The following PCCA variants were observed in gnomAD, a reference collection of about 807,000 sequenced individuals.
PCCA encodes propionyl-CoA carboxylase alpha chain, mitochondrial.
In PCCA, 74 loss-of-function variants were observed where a neutral mutation model predicts 101.3. The ratio of observed to expected loss-of-function variants is 0.73; its 90% CI spans 0.61 to 0.89. The LOEUF is 0.89. PCCA is among the 40% of genes least tolerant of loss of function. The probability of loss-of-function intolerance (pLI) is 0.00; values close to 1 mark genes in which losing one functional copy is unlikely to be tolerated. For synonymous variants in PCCA, 294 were observed against 313.6 expected, an observed-to-expected ratio of 0.94 and a Z score of 0.66; for missense variants, 891 against 907.0, an observed-to-expected ratio of 0.98 and a Z score of 0.23.
At chr13:100,431,164 A>G (rs1029138704) in intron 20 of PCCA, among the ~76,000 whole-genome samples, 1 of 152,150 alleles carries the variant, frequency 6.6e-6, no homozygotes, top group African/African-American at 2.4e-5. Context: ...GCATCTCATT[A>G]TGGTTTTAAT....
In PCCA at chr13:100,434,881, G is replaced by A. The variant is rs542277223; in HGVS notation, c.1845+9150G>A. Among the ~76,000 whole-genome samples, 219 of 152,232 alleles carry A rather than the reference G, an allele frequency of 1.4e-3. 2 individuals carry two copies. The highest frequency in any genetic ancestry group is 4.9e-3 in the African/African-American group (205 of 41,530). On this transcript the variant is annotated intron_variant, in intron 20 of 23. Coordinates refer to ENST00000376285, the MANE Select transcript of PCCA (RefSeq NM_000282.4). ...CCTTAAATTCTAAGCTTAAGAATTC[G>A]ACCTCCTCAAATTAATTTTCCTCTT... is the stretch of plus-strand genomic sequence containing the variant.
At chr13:100,521,945 A>C (rs1000046318) in intron 22 of PCCA, among the ~76,000 whole-genome samples, 18 of 152,324 alleles carry the variant, frequency 1.2e-4, no homozygotes, top group Admixed American at 9.8e-4. Context: ...ACAACAAAAG[A>C]AGCCTCCTTT....
chr13:100,188,334 A>AAACAAAACAAAAAC lies in PCCA; in HGVS notation c.469-20997_469-20996insACAAAACAAAAACA, dbSNP rs1555372004. On this transcript the variant is annotated intron_variant, in intron 6 of 23. Coordinates refer to ENST00000376285, the MANE Select transcript of PCCA (RefSeq NM_000282.4). Reference sequence around the variant, plus strand: ...CAAAACAAAACAAAACAAAAACACAAAGAAAGAAAGAAAGAATAATGAATT... The same window carrying AAACAAAACAAAAAC: ...CAAAACAAAACAAAACAAAAACACAAAACAAAACAAAAACAGAAAGAAAGAAAGAATAATGAATT... Among the ~76,000 whole-genome samples, 381 of 124,076 alleles carry AAACAAAACAAAAAC rather than the reference A, an allele frequency of 3.1e-3. 2 individuals are homozygous for AAACAAAACAAAAAC. The highest frequency in any genetic ancestry group is 7.7e-3 in the South Asian group (31 of 4,040). 81.4% of individuals were successfully genotyped at this position (124,076 alleles called of 152,430 possible). A position where few individuals can be genotyped will look rare whatever the true frequency, so the allele number is the denominator to read the frequency against.
chr13:100,399,923 T>C (rs2077236176), intron 19 of PCCA, among the ~76,000 whole-genome samples: 1 of 152,138 alleles, frequency 6.6e-6, no homozygotes, highest in South Asian at 2.1e-4. Flanking sequence ...TGTAAATGTG[T>C]GGAATAAAAA....
At chr13:100,441,989 C>CTTTTTTTTTTT (rs776208311) in intron 20 of PCCA, among the ~76,000 whole-genome samples, 4 of 128,526 alleles carry the variant, frequency 3.1e-5, no homozygotes, top group Non-Finnish European at 5.0e-5. Flanking sequence ...TTCCTTTTTT[C>CTTTTTTTTTTT]TTTTTTTTTT....
intron 12 of PCCA, among the ~76,000 whole-genome samples, chr13:100,283,670 G>A: frequency 6.6e-6 from 1 of 152,138 alleles, no homozygotes; most frequent in East Asian, 1.9e-4. Context: ...TTCTATAATA[G>A]GGACCAAGAG....
intron 21 of PCCA, among the ~76,000 whole-genome samples, chr13:100,504,973 C>T (rs2085953440): frequency 6.6e-6 from 1 of 152,104 alleles, no homozygotes; most frequent in South Asian, 2.1e-4. Flanking sequence ...CAGAAGCAGG[C>T]ACTGTTATGA....
intron 12 of PCCA, among the ~76,000 whole-genome samples, chr13:100,284,433 T>A (rs1413511405): frequency 6.6e-6 from 1 of 152,184 alleles, no homozygotes; most frequent in Non-Finnish European, 1.5e-5. Flanking sequence ...GGTTAAAAGA[T>A]CCCACCACTT....
intron 21 of PCCA, among the ~76,000 whole-genome samples, chr13:100,498,663 C>T (rs910287851): frequency 2.7e-4 from 41 of 152,256 alleles, no homozygotes; most frequent in African/African-American, 9.4e-4. Flanking sequence ...CCTATTCCCC[C>T]ACCTCCCCCA....
At position 100,226,665 on chromosome 13, in the gene PCCA, C is replaced by T. The variant is rs1594813726; in HGVS notation, c.601-9177C>T. On this transcript the variant is annotated intron_variant, in intron 7 of 23. Coordinates refer to ENST00000376285, the MANE Select transcript of PCCA (RefSeq NM_000282.4). ...ACATGTTTTTTCCAGTATTGTAGCG[C>T]CAGGGTTAGTTCTATGTTATCTAGG... is the stretch of plus-strand genomic sequence containing the variant. 2.6e-5 allele frequency among the ~76,000 whole-genome samples: 4 copies of T among 152,206 alleles called. No individual in the cohort carries two copies. The South Asian group carries it at 8.3e-4, about 32-fold the overall frequency.
At chr13:100,425,797 G>A (rs1472875260) in intron 20 of PCCA, 66 bp downstream of exon 20, 1 of 997,860 alleles carries the variant, frequency 1.0e-6, no homozygotes, top group African/African-American at 1.6e-5. Flanking sequence ...GCACCTGTGT[G>A]GCTAATACTT....
chr13:100,516,258 C>T (rs749807851), intron 22 of PCCA, among the ~76,000 whole-genome samples: 2 of 152,182 alleles, frequency 1.3e-5, no homozygotes, highest in African/African-American at 2.4e-5. Flanking sequence ...CACTTAAATA[C>T]TTGCATTTTT....
At chr13:100,517,046 CGTGTGTGTGTGTGTGTGTGTGT>C (rs3840814) in intron 22 of PCCA, among the ~76,000 whole-genome samples, 11 of 133,066 alleles carry the variant, frequency 8.3e-5, no homozygotes, top group South Asian at 2.6e-4. Flanking sequence ...ATTATAAAAT[CGTGTGTGTGTGTGTGTGTGTGT>C]GTGTGTGTGT....
chr13:100,455,537 A>G (rs1168498652), intron 21 of PCCA, among the ~76,000 whole-genome samples: 1 of 152,136 alleles, frequency 6.6e-6, no homozygotes, highest in African/African-American at 2.4e-5. Flanking sequence ...ATGGAGGTAT[A>G]ATTCATTTAT....
intron 21 of PCCA, among the ~76,000 whole-genome samples, chr13:100,494,677 C>CAAAAAAA (rs11459166): frequency 7.0e-6 from 1 of 143,596 alleles, no homozygotes; most frequent in Non-Finnish European, 1.5e-5. Flanking sequence ...GAGCAAAACT[C>CAAAAAAA]AAAAAAAAAA....
At chr13:100,431,807 A>T (rs2079568251) in intron 20 of PCCA, among the ~76,000 whole-genome samples, 1 of 152,152 alleles carries the variant, frequency 6.6e-6, no homozygotes, top group Non-Finnish European at 1.5e-5. Flanking sequence ...CAGAACTTGC[A>T]GTGAGCTGAG....
intron 21 of PCCA, among the ~76,000 whole-genome samples, chr13:100,456,534 C>T (rs373642586): frequency 7.9e-4 from 120 of 152,206 alleles, no homozygotes; most frequent in African/African-American, 2.8e-3. Context: ...AACGGCTGGG[C>T]GCGCTGAGTA....
chr13:100,222,212 TG>T (rs1229065175), intron 7 of PCCA, among the ~76,000 whole-genome samples: 1 of 152,002 alleles, frequency 6.6e-6, no homozygotes, highest in East Asian at 1.9e-4. Context: ...GGCTAATTTT[TG>T]TATTTTTAGT....
chr13:100,472,872 T>TAAA (rs112926036), intron 21 of PCCA, among the ~76,000 whole-genome samples: 2 of 143,242 alleles, frequency 1.4e-5, no homozygotes, highest in African/African-American at 5.2e-5. Flanking sequence ...TATCATAAGA[T>TAAA]AAAAAAAAAA....
Sources: allele counts gnomAD v4.1 joint callset (sites outside exome capture counted in the v4.1 genomes callset), GRCh38; gene constraint gnomAD v4.1.1; transcripts MANE v1.5; gene names NCBI Gene and HGNC (gene_info 2026-07-23, HGNC 2026-07-21).